TTC29: variants seen among roughly 807,000 people sequenced by gnomAD.
TTC29 encodes tetratricopeptide repeat domain 29, also known as tetratricopeptide repeat protein 29.
TTC29 carries 49 observed loss-of-function variants against 58.1 expected under a neutral mutation model. That is an observed-to-expected ratio of 0.84 (90% CI 0.67 to 1.07). TTC29 has a LOEUF of 1.07. Among genes scored for constraint, TTC29 ranks in the 50% least tolerant of loss-of-function variants. The probability of loss-of-function intolerance (pLI) is 0.00; values close to 1 mark genes in which losing one functional copy is unlikely to be tolerated. For synonymous variants in TTC29, 209 were observed against 196.8 expected (o/e 1.06, Z -0.52); for missense variants, 582 against 555.6 (o/e 1.05, Z -0.48).
chr4:146,775,477 A>G (rs1748020196), intron 11 of TTC29, among the ~76,000 whole-genome samples: 1 of 151,820 alleles, frequency 6.6e-6, no homozygotes, highest in African/African-American at 2.4e-5. Context: ...CTTGTCTGAA[A>G]GTATCTTATT....
intron 10 of TTC29, among the ~76,000 whole-genome samples, chr4:146,813,800 A>G (rs1410362827): frequency 2.0e-5 from 3 of 152,334 alleles, no homozygotes; most frequent in East Asian, 3.9e-4. Flanking sequence ...CCTGGCCAAC[A>G]TGGTGAAACC....
intron 11 of TTC29, among the ~76,000 whole-genome samples, chr4:146,736,644 T>G (rs1323887764): frequency 6.6e-6 from 1 of 152,050 alleles, no homozygotes; most frequent in Non-Finnish European, 1.5e-5. Flanking sequence ...CTAGAGAATT[T>G]CCACTTGATG....
intron 11 of TTC29, among the ~76,000 whole-genome samples, chr4:146,775,909 CT>C: frequency 6.6e-6 from 1 of 152,298 alleles, no homozygotes; most frequent in East Asian, 1.9e-4. Flanking sequence ...GATTTGGTCT[CT>C]TTACATAATC....
chr4:146,883,628 G>A (rs944355777), intron 6 of TTC29, among the ~76,000 whole-genome samples: 1 of 151,998 alleles, frequency 6.6e-6, no homozygotes, highest in Non-Finnish European at 1.5e-5. Context: ...CCTAGACAGA[G>A]GAAATACTGC....
intron 6 of TTC29, among the ~76,000 whole-genome samples, chr4:146,900,597 G>A (rs538652824): frequency 1.4e-4 from 21 of 152,252 alleles, no homozygotes; most frequent in South Asian, 8.3e-4. Context: ...TTTTTTGAAC[G>A]AATGGGTGCA....
At chr4:146,841,471 A>T (rs950623048) in intron 8 of TTC29, among the ~76,000 whole-genome samples, 13 of 152,246 alleles carry the variant, frequency 8.5e-5, no homozygotes, top group African/African-American at 3.1e-4. Flanking sequence ...CAAGCAAAAA[A>T]AACACCATAG....
chr4:146,846,574 G>A (rs1729185545), intron 8 of TTC29, among the ~76,000 whole-genome samples: 1 of 152,162 alleles, frequency 6.6e-6, no homozygotes, highest in Non-Finnish European at 1.5e-5. Context: ...CTCCCCAGTG[G>A]CCACCTAACC....
At chr4:146,866,864 T>C (rs1282199433) in intron 8 of TTC29, among the ~76,000 whole-genome samples, 1 of 152,148 alleles carries the variant, frequency 6.6e-6, no homozygotes, top group African/African-American at 2.4e-5. Context: ...AAATACATAG[T>C]AGAGGTAAGA....
At chr4:146,926,509 G>A (rs1734942656) in intron 4 of TTC29, among the ~76,000 whole-genome samples, 1 of 151,838 alleles carries the variant, frequency 6.6e-6, no homozygotes, top group South Asian at 2.1e-4. Flanking sequence ...GTCCTGCCTT[G>A]TCGCCCAGGC....
intron 8 of TTC29, among the ~76,000 whole-genome samples, chr4:146,853,171 A>G (rs942898208): frequency 5.9e-5 from 9 of 152,124 alleles, no homozygotes; most frequent in African/African-American, 2.2e-4. Context: ...TTATTACAAA[A>G]TCAATATACG....
chr4:146,761,537 A>G (rs530543708), intron 11 of TTC29, among the ~76,000 whole-genome samples: 6 of 152,058 alleles, frequency 3.9e-5, no homozygotes, highest in African/African-American at 1.4e-4. Context: ...TGCATAATCA[A>G]TGTTGAAATC....
intron 10 of TTC29, among the ~76,000 whole-genome samples, chr4:146,817,660 T>C (rs1438087001): frequency 3.9e-5 from 6 of 152,190 alleles, no homozygotes; most frequent in Admixed American, 3.9e-4. Context: ...GCTGGAGGCA[T>C]CATGCTACCT....
In TTC29 at chr4:146,771,237, T is replaced by C. The variant is rs553380861; in HGVS notation, c.1330+32220A>G. Among the ~76,000 whole-genome samples, 35 of 152,238 alleles carry C rather than the reference T, an allele frequency of 2.3e-4. No individual in the cohort carries two copies. The South Asian group carries it at 3.7e-3, about 16-fold the overall frequency. On this transcript the variant is annotated intron_variant, in intron 11 of 12. Coordinates refer to ENST00000325106, the MANE Select transcript of TTC29 (RefSeq NM_031956.4). ...ATGGTTAGGTTTTAGTCAAAGACTA[T>C]ATGTTGCTCAGATGTTTCTTTGTTT...
intron 8 of TTC29, among the ~76,000 whole-genome samples, chr4:146,861,994 G>A (rs952056767): frequency 2.6e-5 from 4 of 151,876 alleles, no homozygotes; most frequent in Non-Finnish European, 5.9e-5. Flanking sequence ...AAAGGAAAAC[G>A]CTAAACCTAA....
At chr4:146,798,255 G>A (rs945560828) in intron 11 of TTC29, among the ~76,000 whole-genome samples, 1 of 152,020 alleles carries the variant, frequency 6.6e-6, no homozygotes, top group Non-Finnish European at 1.5e-5. Context: ...CAGAAATCAG[G>A]AGCCCCAGGA....
intron 5 of TTC29, among the ~76,000 whole-genome samples, chr4:146,904,534 G>A (rs1436561570): frequency 1.3e-5 from 2 of 152,094 alleles, no homozygotes; most frequent in Non-Finnish European, 2.9e-5. Flanking sequence ...GAACGAATAT[G>A]TCTGTGTGTT....
intron 5 of TTC29, among the ~76,000 whole-genome samples, chr4:146,905,349 TA>T (rs1560704270): frequency 6.7e-6 from 1 of 149,580 alleles, no homozygotes; most frequent in Non-Finnish European, 1.5e-5. Flanking sequence ...TAATTAAAAA[TA>T]TATGTAGTCC....
At chr4:146,871,945 G>A (rs1350404418) in intron 7 of TTC29, among the ~76,000 whole-genome samples, 1 of 151,924 alleles carries the variant, frequency 6.6e-6, no homozygotes, top group Admixed American at 6.6e-5. Context: ...AACAACTAAA[G>A]CAAACTTGAA....
intron 11 of TTC29, among the ~76,000 whole-genome samples, chr4:146,761,928 C>G (rs930751779): frequency 6.6e-6 from 1 of 151,486 alleles, no homozygotes; most frequent in Non-Finnish European, 1.5e-5. Flanking sequence ...TCTTAAAAGG[C>G]GTTTATAAAA....
Sources: allele counts gnomAD v4.1 joint callset (sites outside exome capture counted in the v4.1 genomes callset), GRCh38; gene constraint gnomAD v4.1.1; transcripts MANE v1.5; gene names NCBI Gene and HGNC (gene_info 2026-07-23, HGNC 2026-07-21).